Variants in PAK5 observed in about 807,000 individuals in gnomAD.
PAK5 encodes the protein serine/threonine-protein kinase PAK 5.
PAK5 carries 16 observed loss-of-function variants against 65.9 expected under a neutral mutation model. The observed-to-expected ratio is 0.24, with a 90% CI of 0.16 to 0.37. PAK5 has a LOEUF of 0.37. PAK5 is among the 10% of genes least tolerant of loss of function. The pLI is 1.00. For missense variants in PAK5, 785 were observed against 903.9 expected (o/e 0.87, Z 1.69); for synonymous variants, 371 against 354.9 (o/e 1.05, Z -0.51).
At chr20:9,559,867 G>A (rs1015697263) in intron 6 of PAK5, among the ~76,000 whole-genome samples, 1 of 152,156 alleles carries the variant, frequency 6.6e-6, no homozygotes, top group Non-Finnish European at 1.5e-5. Flanking sequence ...CAACTTCTGT[G>A]TTCTGGGTTT....
chr20:9,694,712 A>G (rs1299182282), intron 2 of PAK5, among the ~76,000 whole-genome samples: 1 of 152,092 alleles, frequency 6.6e-6, no homozygotes, highest in Non-Finnish European at 1.5e-5. Context: ...AGATTAATTC[A>G]TGTCGTGATA....
chr20:9,654,317 T>C (rs1481807745), intron 2 of PAK5, among the ~76,000 whole-genome samples: 1 of 152,176 alleles, frequency 6.6e-6, no homozygotes, highest in East Asian at 1.9e-4. Flanking sequence ...GTCTTTCTCT[T>C]CTACTTTTAA....
At chr20:9,769,238 T>C (rs1470865849) in intron 1 of PAK5, among the ~76,000 whole-genome samples, 2 of 152,202 alleles carry the variant, frequency 1.3e-5, no homozygotes, top group Non-Finnish European at 1.5e-5. Flanking sequence ...AAATTGACAT[T>C]GAAGCAGGAC....
At chr20:9,570,491 T>C (rs2045760980) in intron 4 of PAK5, among the ~76,000 whole-genome samples, 1 of 152,114 alleles carries the variant, frequency 6.6e-6, no homozygotes, top group Non-Finnish European at 1.5e-5. Flanking sequence ...TATGATGGAA[T>C]GGGGAGAGAG....
At chr20:9,576,625 C>T (rs553489811) in intron 4 of PAK5, among the ~76,000 whole-genome samples, 6 of 152,286 alleles carry the variant, frequency 3.9e-5, no homozygotes, top group African/African-American at 1.2e-4. Context: ...GCTAATGCAA[C>T]TTCATTGCTT....
At chr20:9,644,362 A>G (rs2047106291) in intron 2 of PAK5, 23 bp from the exon 3 acceptor site, 3 of 1,501,868 alleles carry the variant, frequency 2.0e-6, no homozygotes, top group Non-Finnish European at 2.8e-6. Flanking sequence ...AATGGAAAAG[A>G]GGCAGCCATT....
At chr20:9,800,623 GT>G (rs2049158397) in intron 1 of PAK5, among the ~76,000 whole-genome samples, 1 of 152,098 alleles carries the variant, frequency 6.6e-6, no homozygotes, top group African/African-American at 2.4e-5. Flanking sequence ...CATTGTGACT[GT>G]TTTGGTAGAT....
intron 1 of PAK5, among the ~76,000 whole-genome samples, chr20:9,826,417 G>C (rs554856614): frequency 3.9e-5 from 6 of 152,234 alleles, no homozygotes; most frequent in Admixed American, 3.9e-4. Context: ...GGGTTAGTAG[G>C]CTCTAACTGG....
At chr20:9,572,140 T>C (rs1238253592) in intron 4 of PAK5, among the ~76,000 whole-genome samples, 1 of 151,270 alleles carries the variant, frequency 6.6e-6, no homozygotes, top group Non-Finnish European at 1.5e-5. Flanking sequence ...AGAGTAGTCA[T>C]CACAGCAAAA....
intron 2 of PAK5, among the ~76,000 whole-genome samples, chr20:9,696,749 G>A (rs934769054): frequency 3.9e-5 from 6 of 152,088 alleles, no homozygotes; most frequent in Non-Finnish European, 2.9e-5. Flanking sequence ...TATGTAGAAA[G>A]TGAATATGTA....
intron 1 of PAK5, among the ~76,000 whole-genome samples, chr20:9,728,820 G>A (rs1391324562): frequency 1.3e-5 from 2 of 151,346 alleles, no homozygotes; most frequent in African/African-American, 4.9e-5. Flanking sequence ...ATTTGTTTAC[G>A]CATTGTCTAT....
chr20:9,728,776 G>C (rs1023898783), intron 1 of PAK5, among the ~76,000 whole-genome samples: 10 of 136,116 alleles, frequency 7.3e-5, no homozygotes, highest in Admixed American at 6.7e-4. Flanking sequence ...TTTTTTTTTT[G>C]TAAATAAAGT....
chr20:9,564,917 G>A (rs940756547), intron 5 of PAK5, among the ~76,000 whole-genome samples: 3 of 151,514 alleles, frequency 2.0e-5, no homozygotes, highest in Non-Finnish European at 4.4e-5. Context: ...AATGTATGCT[G>A]ATATATTTTA....
At chr20:9,598,744 G>A (rs763084878) in intron 3 of PAK5, among the ~76,000 whole-genome samples, 17 of 152,216 alleles carry the variant, frequency 1.1e-4, no homozygotes, top group African/African-American at 2.2e-4. Context: ...CTTGTTGGCC[G>A]CATAAATGTC....
At chr20:9,706,829 T>C (rs2048014403) in intron 2 of PAK5, among the ~76,000 whole-genome samples, 1 of 152,000 alleles carries the variant, frequency 6.6e-6, no homozygotes, top group African/African-American at 2.4e-5. Context: ...TTCTAAGAGA[T>C]AATCTTAACA....
intron 1 of PAK5, among the ~76,000 whole-genome samples, chr20:9,820,147 A>G (rs1880557605): frequency 2.6e-5 from 4 of 152,218 alleles, no homozygotes; most frequent in Admixed American, 2.6e-4. Flanking sequence ...ATCCTGTTGA[A>G]GATACGCCCT....
chr20:9,582,099 T>C (rs2045989325), intron 3 of PAK5, among the ~76,000 whole-genome samples: 1 of 152,216 alleles, frequency 6.6e-6, no homozygotes. Context: ...TAGTTTTAGA[T>C]TAACAGAGAA....
At chr20:9,675,788 T>C (rs965104086) in intron 2 of PAK5, among the ~76,000 whole-genome samples, 3 of 152,232 alleles carry the variant, frequency 2.0e-5, no homozygotes, top group Non-Finnish European at 2.9e-5. Flanking sequence ...AAAATATTTA[T>C]GGATAACAAA....
At chr20:9,754,723 C>T (rs1322170293) in intron 1 of PAK5, among the ~76,000 whole-genome samples, 3 of 152,176 alleles carry the variant, frequency 2.0e-5, no homozygotes, top group Non-Finnish European at 4.4e-5. Flanking sequence ...ATGTTTCTTT[C>T]AAAGTTAGAC....
Sources: allele counts gnomAD v4.1 joint callset (sites outside exome capture counted in the v4.1 genomes callset), GRCh38; gene constraint gnomAD v4.1.1; transcripts MANE v1.5; gene names NCBI Gene and HGNC (gene_info 2026-07-23, HGNC 2026-07-21).